The following PCDH7 variants were observed in gnomAD, a reference collection of about 807,000 sequenced individuals.
The protein encoded by PCDH7 is protocadherin-7.
PCDH7 carries 17 observed loss-of-function variants against 58.9 expected under a neutral mutation model. The observed-to-expected ratio is 0.29, with a 90% CI of 0.20 to 0.43. PCDH7 has a LOEUF of 0.43. Ranked by LOEUF, PCDH7 falls within the 20% of genes least tolerant of loss-of-function variation. The probability of loss-of-function intolerance (pLI) is 1.00; values close to 1 mark genes in which losing one functional copy is unlikely to be tolerated. For missense variants in PCDH7, 1,274 were observed against 1,441.0 expected, an observed-to-expected ratio of 0.88 and a Z score of 1.88; for synonymous variants, 664 against 616.4, an observed-to-expected ratio of 1.08 and a Z score of -1.14.
At chr4:30,998,950 T>A (rs1752129476) in intron 3 of PCDH7, among the ~76,000 whole-genome samples, 1 of 152,306 alleles carries the variant, frequency 6.6e-6, no homozygotes, top group South Asian at 2.1e-4. Flanking sequence ...TTGGTCTTGA[T>A]TAAACCAATT....
chr4:31,107,705 C>T (rs1023525631), intron 3 of PCDH7, among the ~76,000 whole-genome samples: 2 of 151,962 alleles, frequency 1.3e-5, no homozygotes, highest in Non-Finnish European at 2.9e-5. Context: ...AAAATGTTCA[C>T]AGTTCTTAGT....
At chr4:31,017,854 G>A (rs942429257) in intron 3 of PCDH7, among the ~76,000 whole-genome samples, 1 of 152,108 alleles carries the variant, frequency 6.6e-6, no homozygotes, top group African/African-American at 2.4e-5. Flanking sequence ...TGTAATCATG[G>A]CAGCATTCAA....
At chr4:30,747,863 C>T (rs1717974437) in intron 1 of PCDH7, among the ~76,000 whole-genome samples, 1 of 152,114 alleles carries the variant, frequency 6.6e-6, no homozygotes, top group Non-Finnish European at 1.5e-5. Flanking sequence ...TGTTATAAGC[C>T]ACAAAATATT....
At chr4:31,103,760 AATAATGGATCTC>A (rs1367182143) in intron 3 of PCDH7, among the ~76,000 whole-genome samples, 6 of 152,296 alleles carry the variant, frequency 3.9e-5, no homozygotes, top group East Asian at 1.9e-4. Flanking sequence ...CTGTTCCTCC[AATAATGGATCTC>A]ATATACCCAC....
At chr4:31,099,780 C>G (rs894509870) in intron 3 of PCDH7, among the ~76,000 whole-genome samples, 4 of 152,068 alleles carry the variant, frequency 2.6e-5, no homozygotes, top group African/African-American at 9.7e-5. Context: ...TTCCTCAAAC[C>G]AGATGACAAC....
chr4:30,858,068 T>C (rs1483762293), intron 1 of PCDH7, among the ~76,000 whole-genome samples: 3 of 152,186 alleles, frequency 2.0e-5, no homozygotes, highest in Non-Finnish European at 2.9e-5. Flanking sequence ...AGTATATCTC[T>C]GTGCAAAAAT....
intron 3 of PCDH7, among the ~76,000 whole-genome samples, chr4:31,000,471 G>GT (rs1306050935): frequency 3.3e-5 from 5 of 152,082 alleles, no homozygotes; most frequent in African/African-American, 1.2e-4. Flanking sequence ...AAAATAGGCA[G>GT]TTTAAAAGAT....
At chr4:31,140,076 T>C (rs1272881017) in intron 3 of PCDH7, among the ~76,000 whole-genome samples, 5 of 152,206 alleles carry the variant, frequency 3.3e-5, no homozygotes, top group African/African-American at 1.2e-4. Flanking sequence ...AGCATCTCAC[T>C]TATAGCTGAT....
intron 3 of PCDH7, among the ~76,000 whole-genome samples, chr4:31,131,945 T>C (rs16884388): frequency 6.6e-6 from 1 of 152,044 alleles, no homozygotes; most frequent in Non-Finnish European, 1.5e-5. Flanking sequence ...TTTGTCCCTG[T>C]GCAAAAAGTA....
chr4:30,964,116 C>T (rs1748745384), intron 3 of PCDH7, among the ~76,000 whole-genome samples: 1 of 152,154 alleles, frequency 6.6e-6, no homozygotes, highest in African/African-American at 2.4e-5. Flanking sequence ...CAGCGGAACC[C>T]ACTGGGTGCT....
rs1010118367 is a variant in PCDH7, at chr4:30,782,337, A to G, written c.70+57741A>G. ...AGGAAACATAATGTAAGGGGAACCT[A>G]TTTGATTTGAGCCCTAATTCTACCA... On this transcript the variant is annotated intron_variant, in intron 1 of 3. Coordinates refer to the PCDH7 transcript ENST00000509759. 2.0e-5 allele frequency among the ~76,000 whole-genome samples: 3 copies of G among 152,194 alleles called. No individual in the cohort carries two copies. The East Asian group carries it at 5.8e-4, about 29-fold the overall frequency.
chr4:31,063,131 A>G (rs900632402), intron 3 of PCDH7, among the ~76,000 whole-genome samples: 3 of 151,870 alleles, frequency 2.0e-5, no homozygotes, highest in Non-Finnish European at 4.4e-5. Context: ...AGCATAACTG[A>G]AAGTTGAGAT....
intron 3 of PCDH7, among the ~76,000 whole-genome samples, chr4:30,991,106 T>C (rs1308080470): frequency 1.3e-5 from 2 of 152,182 alleles, no homozygotes; most frequent in Non-Finnish European, 2.9e-5. Context: ...CTAGATGTTA[T>C]GTTTTTCAAA....
At chr4:30,834,213 C>T (rs1730177255) in intron 1 of PCDH7, among the ~76,000 whole-genome samples, 1 of 152,104 alleles carries the variant, frequency 6.6e-6, no homozygotes, top group Admixed American at 6.5e-5. Context: ...TCACACAGGA[C>T]CTTGCACTGA....
At chr4:30,763,294 T>C (rs1357616488) in intron 1 of PCDH7, among the ~76,000 whole-genome samples, 1 of 152,378 alleles carries the variant, frequency 6.6e-6, no homozygotes, top group East Asian at 1.9e-4. Context: ...TATTTTCTAA[T>C]TCTGACTGTA....
At chr4:30,883,750 C>G (rs1737306983) in intron 1 of PCDH7, among the ~76,000 whole-genome samples, 1 of 152,144 alleles carries the variant, frequency 6.6e-6, no homozygotes, top group South Asian at 2.1e-4. Context: ...ATGTTGAACA[C>G]TGATGTAATG....
At chr4:30,837,538 AC>A (rs1326007204) in intron 1 of PCDH7, among the ~76,000 whole-genome samples, 2 of 152,036 alleles carry the variant, frequency 1.3e-5, no homozygotes, top group African/African-American at 4.8e-5. Flanking sequence ...GAAATTAAAA[AC>A]AAAATAGAAA....
At chr4:31,025,724 A>C (rs1406358881) in intron 3 of PCDH7, among the ~76,000 whole-genome samples, 1 of 152,222 alleles carries the variant, frequency 6.6e-6, no homozygotes, top group Admixed American at 6.5e-5. Flanking sequence ...ATCAAGAACC[A>C]GTTTCTCCAT....
At chr4:31,073,880 C>G (rs1758759475) in intron 3 of PCDH7, among the ~76,000 whole-genome samples, 1 of 152,268 alleles carries the variant, frequency 6.6e-6, no homozygotes, top group Middle Eastern at 3.4e-3. Flanking sequence ...CCATGCCTTA[C>G]AAATATTTCC....
Sources: gnomAD v4.1 joint callset for allele counts (sites outside exome capture counted in the v4.1 genomes callset) on GRCh38, gnomAD v4.1.1 for gene constraint, MANE v1.5 for transcripts, NCBI Gene and HGNC (gene_info 2026-07-23, HGNC 2026-07-21) for gene names.